SNAP47: variants seen among roughly 807,000 people sequenced by gnomAD.
SNAP47 encodes synaptosomal-associated protein 47.
In SNAP47, 20 loss-of-function variants were observed where a neutral mutation model predicts 31.4. That is an observed-to-expected ratio of 0.64 (90% CI 0.45 to 0.93). SNAP47 has a LOEUF of 0.93. Among genes scored for constraint, SNAP47 ranks in the 40% least tolerant of loss-of-function variants. The pLI is 0.00. For synonymous variants in SNAP47, 194 were observed against 213.4 expected (o/e 0.91, Z 0.79); for missense variants, 492 against 528.5 (o/e 0.93, Z 0.68).
intron 3 of SNAP47, among the ~76,000 whole-genome samples, chr1:227,766,267 C>T (rs1450287634): frequency 2.0e-5 from 3 of 152,350 alleles, no homozygotes; most frequent in East Asian, 1.9e-4. Flanking sequence ...AGGGGAGCTG[C>T]GTGTGCTGCA....
upstream of SNAP47, chr1:227,734,865 C>G: frequency 6.2e-7 from 1 of 1,607,940 alleles, no homozygotes; most frequent in Non-Finnish European, 8.5e-7. Context: ...CCCGTCCTCA[C>G]TCCAAACCGT....
chr1:227,751,601 C>G (rs1409257153), intron 2 of SNAP47, among the ~76,000 whole-genome samples: 1 of 152,122 alleles, frequency 6.6e-6, no homozygotes, highest in East Asian at 1.9e-4. Flanking sequence ...GGTGCCTTCC[C>G]CAGGCCCACA....
intron 1 of SNAP47, among the ~76,000 whole-genome samples, chr1:227,745,030 G>C (rs751171270): frequency 6.6e-6 from 1 of 152,258 alleles, no homozygotes; most frequent in Non-Finnish European, 1.5e-5. Context: ...TGTGTGGCCT[G>C]TGTGGCTGTG....
At chr1:227,761,855 G>A (rs924025273) in intron 3 of SNAP47, among the ~76,000 whole-genome samples, 2 of 152,164 alleles carry the variant, frequency 1.3e-5, no homozygotes, top group Admixed American at 6.5e-5. Flanking sequence ...CCGTGGTGGC[G>A]AGCACTCCTG....
intron 1 of SNAP47, among the ~76,000 whole-genome samples, chr1:227,729,501 C>T (rs1016970082): frequency 3.3e-5 from 5 of 152,176 alleles, no homozygotes; most frequent in African/African-American, 4.8e-5. Flanking sequence ...CTGAGGTTGA[C>T]ACTCTGGAGC....
chr1:227,734,315 A>G, upstream of SNAP47: 1 of 417,318 alleles, frequency 2.4e-6, no homozygotes, highest in East Asian at 4.1e-5. Flanking sequence ...CAGGAGTTCA[A>G]GACCAGCCTG....
chr1:227,732,876 C>A, upstream of SNAP47: 1 of 1,612,422 alleles, frequency 6.2e-7, no homozygotes, highest in Non-Finnish European at 8.5e-7. Context: ...GCGTAGCCAC[C>A]CCACCTGGCA....
At chr1:227,775,311 C>T (rs1227874695) in intron 4 of SNAP47, among the ~76,000 whole-genome samples, 2 of 152,236 alleles carry the variant, frequency 1.3e-5, no homozygotes, top group Non-Finnish European at 2.9e-5. Flanking sequence ...TTGTAGACAG[C>T]TTGATTTATC....
chr1:227,775,423 G>T (rs6672002), intron 4 of SNAP47, among the ~76,000 whole-genome samples: 57,645 of 152,116 alleles, frequency 0.38, 11,097 homozygotes, highest in Admixed American at 0.42. Flanking sequence ...CCAGCTAACA[G>T]CAGACTGCTC....
rs529324617 is a variant in SNAP47 at position 227,757,693 on chromosome 1, A to G, written c.498-1302A>G. ...ATGTGATATATTGAGATCTGCAATA[A>G]CTAATGTGATGAGACTTCTGTTGGT... On this transcript the variant is annotated intron_variant, in intron 2 of 4. Transcript: ENST00000617596. 7.9e-5 allele frequency among the ~76,000 whole-genome samples: 12 copies of G among 152,346 alleles called. No homozygotes were observed. In the South Asian group the frequency reaches 1.9e-3, roughly 24 times the overall value.
rs983720233 is a variant in SNAP47 at position 227,781,006 on chromosome 1, C to G, written c.*333C>G. On this transcript the variant is annotated 3_prime_UTR_variant, in exon 5 of 5. Coordinates refer to ENST00000617596, the MANE Select transcript of SNAP47 (RefSeq NM_053052.4). ...GTCTCGGCTCCCTTTCATGGACAGA[C>G]TGGCCTTCTTAGCTGTACTATAAAT... 1.9e-5 allele frequency: 6 copies of G among 313,452 alleles called. No homozygotes were observed. Among genetic ancestry groups the G allele is most frequent in the Non-Finnish European group, 3.6e-5 (6 of 167,612 alleles). 19.4% of individuals were successfully genotyped at this position (313,452 alleles called of 1,614,324 possible).
At chr1:227,734,158 A>T, upstream of SNAP47, 1 of 1,104,156 alleles carries the variant, frequency 9.1e-7, no homozygotes, top group South Asian at 1.6e-5. Context: ...GCCCCCAAAG[A>T]GCCCCAGACC....
chr1:227,776,024 G>A, intron 4 of SNAP47: 6 of 1,204,112 alleles, frequency 5.0e-6, no homozygotes, highest in Non-Finnish European at 6.3e-6. Context: ...GGGGACCATG[G>A]CCATAAGCTG....
intron 4 of SNAP47, chr1:227,776,566 C>T (rs572902783): frequency 5.1e-4 from 507 of 985,444 alleles, no homozygotes; most frequent in South Asian, 8.5e-4. Flanking sequence ...CACCCCAGGC[C>T]GCAGAGGAAC....
intron 2 of SNAP47, among the ~76,000 whole-genome samples, chr1:227,751,744 G>GTTTTTTTTTTTTTTTTTTTTTTTT (rs540732076): frequency 1.4e-5 from 1 of 69,138 alleles, no homozygotes; most frequent in African/African-American, 5.6e-5. Flanking sequence ...TAAAGACTTG[G>GTTTTTTTTTTTTTTTTTTTTTTTT]TTTTTTTTTT....
chr1:227,733,567 G>A (rs767467652), upstream of SNAP47: 34 of 1,606,202 alleles, frequency 2.1e-5, 1 homozygote, highest in Admixed American at 1.6e-4. Flanking sequence ...GCAGGTTGCC[G>A]TGGCGGTCCC....
Position 227,751,744 on chromosome 1 carries a change from G to GTTTTTTTTTTTT in SNAP47, c.497+3537_497+3548dup, listed in dbSNP as rs540732076. Among the ~76,000 whole-genome samples the GTTTTTTTTTTTT allele has an allele frequency of 1.9e-4, 13 of 69,196 alleles. 3 individuals are homozygous for GTTTTTTTTTTTT. Among genetic ancestry groups the GTTTTTTTTTTTT allele is most frequent in the African/African-American group, 3.3e-4 (6 of 18,000 alleles). 45.4% of individuals were successfully genotyped at this position (69,196 alleles called of 152,430 possible). On this transcript the variant is annotated intron_variant, in intron 2 of 4. Transcript: ENST00000617596. ...ATGGGGCCAATTACATAAAGACTTG[G>GTTTTTTTTTTTT]TTTTTTTTTTTTTTTTTTTTTTTTT...
chr1:227,749,856 A>G (rs1229883579), intron 2 of SNAP47, among the ~76,000 whole-genome samples: 2 of 146,654 alleles, frequency 1.4e-5, no homozygotes, highest in Non-Finnish European at 3.0e-5. Flanking sequence ...TTCAGTACAC[A>G]TAGCTCAGGT....
At chr1:227,755,923 C>T (rs569555578) in intron 2 of SNAP47, among the ~76,000 whole-genome samples, 2 of 152,374 alleles carry the variant, frequency 1.3e-5, no homozygotes, top group South Asian at 2.1e-4. Flanking sequence ...CATCTTTTAA[C>T]CAATCTTTTA....
Sources: allele counts gnomAD v4.1 joint callset (sites outside exome capture counted in the v4.1 genomes callset), GRCh38; gene constraint gnomAD v4.1.1; transcripts MANE v1.5; gene names NCBI Gene and HGNC (gene_info 2026-07-23, HGNC 2026-07-21).